Variants in MYOC observed in about 807,000 individuals in gnomAD.
MYOC encodes the protein myocilin.
In MYOC, 29 loss-of-function variants were observed where a neutral mutation model predicts 28.2. That is an observed-to-expected ratio of 1.03 (90% CI 0.77 to 1.40). MYOC has a LOEUF of 1.40. Among genes scored for constraint, MYOC ranks in the 40% most tolerant of loss-of-function variants. The pLI, the probability that MYOC is intolerant of heterozygous loss-of-function variation, is 0.00. For synonymous variants in MYOC, 240 were observed against 245.6 expected (o/e 0.98, Z 0.21); for missense variants, 569 against 620.6 (o/e 0.92, Z 0.88).
intron 1 of MYOC, among the ~76,000 whole-genome samples, chr1:171,650,431 T>C (rs542150159): frequency 1.3e-5 from 2 of 152,374 alleles, no homozygotes; most frequent in South Asian, 4.1e-4. Context: ...AATTCAGAAT[T>C]GGATCTCTTC....
At position 171,636,447 on chromosome 1, in the gene MYOC, C is replaced by T. The variant is rs547608702; in HGVS notation, c.993G>A (p.Ser331=). ...CAGCGCCCTGGAAATAGAGGCTCCC[C>T]GAGTACACCACAGCACCCGTGCTTT... ...PLESTGAVVY[S]GSLYFQGAES... The change falls in exon 3 of 3, where the codon TCG becomes TCA. Residue 331 remains serine (S), a synonymous_variant. Coordinates refer to ENST00000037502, the MANE Select transcript of MYOC (RefSeq NM_000261.2). The T allele has an allele frequency of 2.8e-5, 46 of 1,614,108 alleles. No individual in the cohort carries two copies. The highest frequency in any genetic ancestry group is 3.6e-5 in the Non-Finnish European group (42 of 1,180,016).
chr1:171,645,863 T>C (rs1344272033), intron 1 of MYOC, among the ~76,000 whole-genome samples: 3 of 152,244 alleles, frequency 2.0e-5, no homozygotes, highest in Admixed American at 2.0e-4. Context: ...AATCCCACCA[T>C]GGCCCTTACG....
chr1:171,645,860 C>T (rs1653189318), intron 1 of MYOC, among the ~76,000 whole-genome samples: 2 of 152,262 alleles, frequency 1.3e-5, no homozygotes, highest in Non-Finnish European at 1.5e-5. Flanking sequence ...CTGAATCCCA[C>T]CATGGCCCTT....
intron 1 of MYOC, among the ~76,000 whole-genome samples, chr1:171,640,418 A>G (rs1297635940): frequency 6.6e-6 from 1 of 152,066 alleles, no homozygotes; most frequent in African/African-American, 2.4e-5. Flanking sequence ...CAATAGTCAC[A>G]AGGAACAGGC....
In MYOC at chr1:171,638,607, C is replaced by T. The variant is rs1397275775; in HGVS notation, c.720G>A (p.Glu240=). Residue 240 remains glutamate, a synonymous_variant, in exon 2 of 3, where the codon GAG becomes GAA. Transcript: ENST00000037502. The stretch of plus-strand genomic sequence containing the variant: ...AACTTAACTTCATACCGGTGTCTCC[C>T]TCTCCACTCCTGAGATAGCCAGATG... ...ESPSGYLRSG[E]GDTGCGELVW... is the part of the protein sequence containing the mutation. 1.9e-6 allele frequency: 3 copies of T among 1,614,044 alleles called. No individual in the cohort carries two copies. Among genetic ancestry groups the T allele is most frequent in the Non-Finnish European group, 2.5e-6 (3 of 1,180,014 alleles).
In MYOC at chr1:171,651,694, A is replaced by G. The variant is rs7525674; in HGVS notation, c.604+314T>C. 0.021 allele frequency among the ~76,000 whole-genome samples: 3,220 copies of G among 152,302 alleles called. 118 individuals carry two copies. Among genetic ancestry groups the G allele is most frequent in the African/African-American group, 0.073 (3,015 of 41,552 alleles). On this transcript the variant is annotated intron_variant, in intron 1 of 2. Transcript: ENST00000037502. ...AAAGGATAGTTTTTCAAAAGGGACA[A>G]TTGACAACTTTCTACTGCTCATATG...
At chr1:171,649,484 A>T (rs1401770294) in intron 1 of MYOC, among the ~76,000 whole-genome samples, 1 of 152,172 alleles carries the variant, frequency 6.6e-6, no homozygotes, top group Admixed American at 6.5e-5. Context: ...AGGTCAGCTG[A>T]AGGTCTTGAA....
In MYOC at chr1:171,636,134, A is replaced by G; in HGVS notation, c.1306T>C (p.Leu436=). 1 of 1,614,138 alleles carries G rather than the reference A, an allele frequency of 6.2e-7. No homozygotes were observed. The highest frequency in any genetic ancestry group is 8.5e-7 in the Non-Finnish European group (1 of 1,180,034). Residue 436 remains leucine, a synonymous_variant, in exon 3 of 3, where the codon TTG becomes CTG. Coordinates refer to ENST00000037502, the MANE Select transcript of MYOC (RefSeq NM_000261.2). ...GAGGTGTAGCTGCTGACGGTGTACA[A>G]GGTGCCACAGATGATGAAGGCATTG... ...VANAFIICGT[L]YTVSSYTSAD...
At chr1:171,651,912 A>G in intron 1 of MYOC, 96 bp downstream of exon 1, 1 of 1,560,252 alleles carries the variant, frequency 6.4e-7, no homozygotes, top group Non-Finnish European at 8.8e-7. Flanking sequence ...AGTCTCTAGG[A>G]GAAAGGGCAG....
At chr1:171,646,503 T>G (rs1335740950) in intron 1 of MYOC, among the ~76,000 whole-genome samples, 8 of 121,764 alleles carry the variant, frequency 6.6e-5, no homozygotes, top group South Asian at 2.6e-4. Context: ...TTTTTTTTGT[T>G]TTTTTTTTTT....
At chr1:171,640,369 G>A (rs1653049499) in intron 1 of MYOC, among the ~76,000 whole-genome samples, 1 of 152,114 alleles carries the variant, frequency 6.6e-6, no homozygotes, top group Admixed American at 6.6e-5. Flanking sequence ...TCTTGCTTAG[G>A]ATTATGATCT....
intron 1 of MYOC, among the ~76,000 whole-genome samples, chr1:171,640,614 G>T (rs932747977): frequency 9.2e-5 from 14 of 152,094 alleles, no homozygotes; most frequent in Non-Finnish European, 2.1e-4. Context: ...TGTACCTGCA[G>T]TCCCAGCTAC....
Position 171,635,841 on chromosome 1 carries a change from G to A in MYOC, c.*84C>T. 6.8e-7 allele frequency: 1 copy of A among 1,461,982 alleles called. No homozygotes were observed. 90.6% of individuals were successfully genotyped at this position (1,461,982 alleles called of 1,614,324 possible). A position where few individuals can be genotyped will look rare whatever the true frequency, so the allele number is the denominator to read the frequency against. On this transcript the variant is annotated 3_prime_UTR_variant, in exon 3 of 3. Transcript: ENST00000037502. Reference sequence around the variant, plus strand: ...AGCAGTCAAAGCTGCCTGGGCCCTGGCTGGCTGGCTCTCCCTTCAGCCTGC... The same window carrying A: ...AGCAGTCAAAGCTGCCTGGGCCCTGACTGGCTGGCTCTCCCTTCAGCCTGC...
At position 171,651,992 on chromosome 1, in the gene MYOC, C is replaced by A. The variant is rs773443762; in HGVS notation, c.604+16G>T. Reference sequence around the variant, plus strand: ...TCACCTGCTGAACTCAGAGTCCCCCCACTCTGCATTCTTACCTTCTCTGGA... The same window carrying A: ...TCACCTGCTGAACTCAGAGTCCCCCAACTCTGCATTCTTACCTTCTCTGGA... On this transcript the variant is annotated intron_variant, in intron 1 of 2. Transcript: ENST00000037502. The A allele has an allele frequency of 1.1e-5, 17 of 1,614,202 alleles. No individual in the cohort carries two copies. In the East Asian group the frequency reaches 3.1e-4, roughly 30 times the overall value.
At chr1:171,640,067 T>C (rs1269821692) in intron 1 of MYOC, among the ~76,000 whole-genome samples, 2 of 130,308 alleles carry the variant, frequency 1.5e-5, no homozygotes, top group African/African-American at 3.0e-5. Flanking sequence ...TTGGGCAACA[T>C]AGGGAGACTC....
chr1:171,647,622 G>C (rs1488146555), intron 1 of MYOC, among the ~76,000 whole-genome samples: 2 of 152,164 alleles, frequency 1.3e-5, no homozygotes, highest in Non-Finnish European at 2.9e-5. Context: ...ACTGCTCAGC[G>C]CTGCACTGGG....
intron 1 of MYOC, among the ~76,000 whole-genome samples, chr1:171,639,650 C>T (rs10159375): frequency 1.5e-4 from 3 of 19,528 alleles, no homozygotes; most frequent in African/African-American, 1.2e-3. Flanking sequence ...GTCTCAAGGT[C>T]TCAAAAAAAA....
rs756961599 is a variant in MYOC at position 171,636,100 on chromosome 1, G to A, written c.1340C>T (p.Ala447Val). The change falls in exon 3 of 3, where the codon GCT (alanine) becomes GTT (valine). Residue 447 changes from alanine (A) to valine (V), a missense_variant. Coordinates refer to ENST00000037502, the MANE Select transcript of MYOC (RefSeq NM_000261.2). ...YTVSSYTSAD[A>V]TVNFAYDTGT... ...TGTGTCATAAGCAAAGTTGACGGTAGCATCTGCTGAGGTGTAGCTGCTGAC... is the reference window on the plus strand; with the variant it reads ...TGTGTCATAAGCAAAGTTGACGGTAACATCTGCTGAGGTGTAGCTGCTGAC... 2.5e-6 allele frequency: 4 copies of A among 1,614,184 alleles called. No homozygotes were observed. The highest frequency in any genetic ancestry group is 3.4e-6 in the Non-Finnish European group (4 of 1,180,044).
rs761963923 is a variant in MYOC, at chr1:171,636,027, A to G, written c.1413T>C (p.Tyr471=). The G allele has an allele frequency of 1.2e-6, 2 of 1,614,050 alleles. No homozygotes were observed. Among genetic ancestry groups the G allele is most frequent in the South Asian group, 1.1e-5 (1 of 91,090 alleles). ...KTLTIPFKNR[Y]KYSSMIDYNP... is the part of the protein sequence containing the mutation. ...TGTAGTCAATCATGCTGCTGTACTTATAGCGGTTCTTGAATGGGATGGTCA... is the reference window on the plus strand; with the variant it reads ...TGTAGTCAATCATGCTGCTGTACTTGTAGCGGTTCTTGAATGGGATGGTCA... The change falls in exon 3 of 3, where the codon TAT becomes TAC. Residue 471 remains tyrosine, a synonymous_variant. Coordinates refer to ENST00000037502, the MANE Select transcript of MYOC (RefSeq NM_000261.2).
Sources: allele counts gnomAD v4.1 joint callset (sites outside exome capture counted in the v4.1 genomes callset), GRCh38; gene constraint gnomAD v4.1.1; transcripts MANE v1.5; gene names NCBI Gene and HGNC (gene_info 2026-07-23, HGNC 2026-07-21).